TMTC1: variants seen among roughly 807,000 people sequenced by gnomAD.
The protein encoded by TMTC1 is transmembrane O-mannosyltransferase targeting cadherins 1.
In TMTC1, 73 loss-of-function variants were observed where a neutral mutation model predicts 104.8. The observed-to-expected ratio is 0.70, with a 90% CI of 0.58 to 0.85. The LOEUF (loss-of-function observed/expected upper bound fraction) is 0.85. Ranked by LOEUF, TMTC1 falls within the 40% of genes least tolerant of loss-of-function variation. The pLI is 0.00. For missense variants in TMTC1, 1,035 were observed against 1,096.1 expected (o/e 0.94, Z 0.79); for synonymous variants, 434 against 428.7 (o/e 1.01, Z -0.15).
rs143585314 is a variant in TMTC1, at chr12:29,699,455, C to T, written c.938+52211G>A. ...ATGACAGAAAAAAGTGCCATGAAGG[C>T]ACAAAATATCTTCTATGACTACTTT... On this transcript the variant is annotated intron_variant, in intron 5 of 17. Coordinates refer to ENST00000539277, the MANE Select transcript of TMTC1 (RefSeq NM_001193451.2). Among the ~76,000 whole-genome samples, 14 of 152,232 alleles carry T rather than the reference C, an allele frequency of 9.2e-5. 2 individuals carry two copies. The highest frequency in any genetic ancestry group is 3.4e-4 in the African/African-American group (14 of 41,502).
intron 5 of TMTC1, among the ~76,000 whole-genome samples, chr12:29,690,975 C>G (rs1000442091): frequency 4.6e-5 from 7 of 152,146 alleles, no homozygotes; most frequent in African/African-American, 1.7e-4. Flanking sequence ...AGTGTCAGCC[C>G]AACTAACTTT....
At chr12:29,639,675 G>T (rs1235542046) in intron 5 of TMTC1, among the ~76,000 whole-genome samples, 1 of 152,160 alleles carries the variant, frequency 6.6e-6, no homozygotes, top group Non-Finnish European at 1.5e-5. Context: ...AAGACATTTA[G>T]AAGATTGTTC....
In TMTC1 at chr12:29,633,163, C is replaced by G. The variant is rs773340351; in HGVS notation, c.1112G>C (p.Cys371Ser). 7.9e-5 allele frequency: 128 copies of G among 1,612,460 alleles called. No homozygotes were observed. The highest frequency in any genetic ancestry group is 9.7e-5 in the Non-Finnish European group (114 of 1,179,054). The change falls in exon 6 of 18, where the codon TGC becomes TCC. Residue 371 changes from cysteine to serine, a missense_variant. By Grantham distance (112) the Cys-to-Ser change is moderately radical. Coordinates refer to ENST00000539277, the MANE Select transcript of TMTC1 (RefSeq NM_001193451.2). ...AVVMALLSLH[C>S]LAAFKRLEHK... ...GAAAATTACCTTAAAGGCTGCTAAG[C>G]AGTGCAGGCTCAATAAGGCCATCAC...
chr12:29,646,425 T>G (rs1032277420), intron 5 of TMTC1, among the ~76,000 whole-genome samples: 1 of 152,204 alleles, frequency 6.6e-6, no homozygotes, highest in Non-Finnish European at 1.5e-5. Context: ...CCTTTAACTT[T>G]CATCAGCTTC....
chr12:29,628,187 T>A (rs1358130776), intron 6 of TMTC1, among the ~76,000 whole-genome samples: 1 of 152,220 alleles, frequency 6.6e-6, no homozygotes, highest in African/African-American at 2.4e-5. Context: ...TTCTCCTACT[T>A]ATCTTATCTC....
chr12:29,588,520 A>G (rs1203174746), intron 7 of TMTC1, among the ~76,000 whole-genome samples: 1 of 152,198 alleles, frequency 6.6e-6, no homozygotes, highest in Non-Finnish European at 1.5e-5. Flanking sequence ...TCAGATATTT[A>G]ACAAACATTT....
chr12:29,557,071 C>T lies in TMTC1; in HGVS notation c.1533-71G>A, dbSNP rs150213447. 2.9e-4 allele frequency: 451 copies of T among 1,551,924 alleles called. 3 individuals are homozygous for T. In the African/African-American group the frequency reaches 5.1e-3, roughly 18 times the overall value. ...AGTTGGGCACAACTTGCTTGTTCTT[C>T]TTCCCCCAAGTATGAACAGCCAAAA... is the stretch of plus-strand genomic sequence containing the variant. On this transcript the variant is annotated intron_variant, in intron 9 of 17. Transcript: ENST00000539277.
rs1591838672 is a variant in TMTC1 at position 29,637,863 on chromosome 12, A to C, written c.939-4527T>G. On this transcript the variant is annotated intron_variant, in intron 5 of 17. Coordinates refer to ENST00000539277, the MANE Select transcript of TMTC1 (RefSeq NM_001193451.2). ...ATATAGTTCTTGCTTGCTTTACATA[A>C]AAAAGTTATTGCTCATAGGATCTTT... 3.3e-5 allele frequency among the ~76,000 whole-genome samples: 5 copies of C among 152,226 alleles called. No individual in the cohort carries two copies. The South Asian group carries it at 1.0e-3, about 32-fold the overall frequency.
At chr12:29,699,177 G>A (rs577131569) in intron 5 of TMTC1, among the ~76,000 whole-genome samples, 2 of 152,250 alleles carry the variant, frequency 1.3e-5, no homozygotes, top group South Asian at 4.1e-4. Flanking sequence ...TCTTTTAATA[G>A]AATTACATAG....
chr12:29,582,118 C>T (rs1945998325), intron 8 of TMTC1, among the ~76,000 whole-genome samples: 1 of 152,104 alleles, frequency 6.6e-6, no homozygotes, highest in Non-Finnish European at 1.5e-5. Context: ...ACATGCATGC[C>T]AGACTGACTT....
At chr12:29,561,596 T>C (rs779234213) in intron 9 of TMTC1, among the ~76,000 whole-genome samples, 5 of 152,206 alleles carry the variant, frequency 3.3e-5, no homozygotes, top group Non-Finnish European at 7.3e-5. Context: ...AGCTTTAACC[T>C]CAACTAAAGA....
intron 5 of TMTC1, among the ~76,000 whole-genome samples, chr12:29,735,407 A>C (rs1210158389): frequency 1.3e-5 from 2 of 152,230 alleles, no homozygotes; most frequent in African/African-American, 2.4e-5. Context: ...GGCACCAAGC[A>C]CATAGAGTCG....
intron 7 of TMTC1, among the ~76,000 whole-genome samples, chr12:29,591,844 C>T (rs1055619110): frequency 3.3e-5 from 5 of 152,076 alleles, no homozygotes; most frequent in African/African-American, 1.2e-4. Flanking sequence ...TTGTTAGCAG[C>T]GAATTGTTGT....
chr12:29,770,315 C>A (rs1306468616), intron 1 of TMTC1, among the ~76,000 whole-genome samples: 1 of 152,072 alleles, frequency 6.6e-6, no homozygotes, highest in African/African-American at 2.4e-5. Context: ...GCATGAATCA[C>A]CTTTGTGGTT....
chr12:29,625,128 C>T (rs186550270), intron 6 of TMTC1, among the ~76,000 whole-genome samples: 68 of 152,298 alleles, frequency 4.5e-4, no homozygotes, highest in African/African-American at 1.5e-3. Context: ...GGTGGACCGA[C>T]CTGTGCTTAT....
intron 5 of TMTC1, among the ~76,000 whole-genome samples, chr12:29,744,783 G>A (rs1168074258): frequency 6.6e-6 from 1 of 152,138 alleles, no homozygotes; most frequent in African/African-American, 2.4e-5. Flanking sequence ...AATGAGACCT[G>A]GGAAACCAGC....
intron 5 of TMTC1, among the ~76,000 whole-genome samples, chr12:29,675,587 AATACAC>A (rs1161217244): frequency 1.2e-5 from 1 of 83,888 alleles, no homozygotes; most frequent in African/African-American, 4.3e-5. Context: ...CACACATGCA[AATACAC>A]ACACACACAC....
At chr12:29,672,869 C>T (rs1337623549) in intron 5 of TMTC1, among the ~76,000 whole-genome samples, 1 of 152,094 alleles carries the variant, frequency 6.6e-6, no homozygotes, top group Non-Finnish European at 1.5e-5. Flanking sequence ...AACGCAACAC[C>T]CGTTATAAGG....
chr12:29,677,484 T>C (rs1406672913), intron 5 of TMTC1, among the ~76,000 whole-genome samples: 1 of 152,264 alleles, frequency 6.6e-6, no homozygotes, highest in East Asian at 1.9e-4. Flanking sequence ...ATTTAATTTC[T>C]TCATTTACAA....
Sources: allele counts gnomAD v4.1 joint callset (sites outside exome capture counted in the v4.1 genomes callset), GRCh38; gene constraint gnomAD v4.1.1; transcripts MANE v1.5; gene names NCBI Gene and HGNC (gene_info 2026-07-23, HGNC 2026-07-21).